FASN: variants seen among roughly 807,000 people sequenced by gnomAD.
FASN encodes 3-hydroxyacyl-[acyl-carrier-protein] dehydratase.
In FASN, 50 loss-of-function variants were observed where a neutral mutation model predicts 250.0. The ratio of observed to expected loss-of-function variants is 0.20; its 90% CI spans 0.16 to 0.25. FASN has a LOEUF of 0.25. Ranked by LOEUF, FASN falls within the 10% of genes least tolerant of loss-of-function variation. The pLI is 1.00. For missense variants in FASN, 3,031 were observed against 3,498.5 expected, an observed-to-expected ratio of 0.87 and a Z score of 3.37; for synonymous variants, 1,909 against 1,584.0, an observed-to-expected ratio of 1.21 and a Z score of -4.87.
rs931066660 is a variant in FASN at position 82,079,435 on chromosome 17, A to T, written c.7320T>A (p.His2440Gln). ...AEQYTPKAKY[H>Q]GNVMLLRAKT... ...TGGCGCGCAGTAGCATCACGTTGCC[A>T]TGGTACTTGGCCTTGGGTGTGTACT... The change falls in exon 42 of 43, where the codon CAT (histidine) becomes CAA (glutamine). Residue 2440 changes from histidine (H) to glutamine (Q), a missense_variant. Coordinates refer to ENST00000306749, the MANE Select transcript of FASN (RefSeq NM_004104.5). The T allele has an allele frequency of 2.5e-6, 4 of 1,612,912 alleles. No homozygotes were observed. The African/African-American group carries it at 4.0e-5, about 16-fold the overall frequency.
intron 41 of FASN, 77 bp downstream of exon 41, chr17:82,080,062 CA>C (rs2144778654): frequency 6.9e-7 from 1 of 1,455,370 alleles, no homozygotes. Context: ...CTTCGCGTCC[CA>C]TCCCATCCTT....
chr17:82,089,286 C>T lies in FASN; in HGVS notation c.2064G>A (p.Glu688=), dbSNP rs372165257. The stretch of plus-strand genomic sequence containing the variant: ...CCTGCAGCAGTGGGGGTGCGATGGC[C>T]TCCATGAAGTAGGAGTGGAAGGCCA... ...GGMAFHSYFM[E]AIAPPLLQEL... The change falls in exon 13 of 43, where the codon GAG becomes GAA. Residue 688 remains glutamate (E), a synonymous_variant. Transcript: ENST00000306749. 1.9e-5 allele frequency: 31 copies of T among 1,612,572 alleles called. No individual in the cohort carries two copies. Among genetic ancestry groups the T allele is most frequent in the African/African-American group, 1.3e-5 (1 of 74,872 alleles).
At position 82,088,383 on chromosome 17, in the gene FASN, T is replaced by TG; in HGVS notation, c.2593+6dup. ...AGAGTCTGCCCACCCGCCGGGCCCC[T>TG]GCTCACCGATGTTGTAGATGGCGGC... On this transcript the variant is annotated splice_region_variant and intron_variant, in intron 16 of 42. Coordinates refer to ENST00000306749, the MANE Select transcript of FASN (RefSeq NM_004104.5). 6.2e-7 allele frequency: 1 copy of TG among 1,612,070 alleles called. No homozygotes were observed. Among genetic ancestry groups the TG allele is most frequent in the Non-Finnish European group, 8.5e-7 (1 of 1,179,726 alleles).
chr17:82,086,503 C>G lies in FASN; in HGVS notation c.3483G>C (p.Val1161=), dbSNP rs746077716. 1.9e-6 allele frequency: 3 copies of G among 1,612,504 alleles called. No homozygotes were observed. In the South Asian group the frequency reaches 3.3e-5, roughly 18 times the overall value. The change falls in exon 22 of 43, where the codon GTG becomes GTC. Residue 1161 remains valine, a synonymous_variant. Transcript: ENST00000306749. ...KVTQQGLKMV[V]PGLDGAQIPR... ...GGATCTGGGCCCCATCCAGTCCGGG[C>G]ACCACCATCTTCAGCCCCTGCTGGG...
At position 82,081,652 on chromosome 17, in the gene FASN, T is replaced by C; in HGVS notation, c.6355A>G (p.Arg2119Gly). The stretch of plus-strand genomic sequence containing the variant: ...AGGTCCCGCTGGCTGTCCCTGTCCC[T>C]ATAGGCCGCAGCCTTCTCAGCCAGC... ...FVLAEKAAAY[R>G]DRDSQRDLVE... is the part of the protein sequence containing the mutation. Residue 2119 changes from arginine (R) to glycine (G), a missense_variant, in exon 37 of 43, where the codon AGG (arginine) becomes GGG (glycine). Arg to Gly is a moderately radical substitution (Grantham distance 125, BLOSUM62 -2). Coordinates refer to ENST00000306749, the MANE Select transcript of FASN (RefSeq NM_004104.5). The C allele has an allele frequency of 1.2e-6, 2 of 1,612,716 alleles. No individual in the cohort carries two copies. The highest frequency in any genetic ancestry group is 1.3e-5 in the African/African-American group (1 of 75,008).
At chr17:82,081,132 G>A (rs1272966361) in intron 38 of FASN, 32 bp downstream of exon 38, 1 of 1,554,458 alleles carries the variant, frequency 6.4e-7, no homozygotes, top group Admixed American at 1.9e-5. Context: ...GAGGCCCGGG[G>A]ACCCCACTCC....
At position 82,088,222 on chromosome 17, in the gene FASN, G is replaced by A. The variant is rs958978418; in HGVS notation, c.2679C>T (p.Ser893=). The change falls in exon 17 of 43, where the codon AGC becomes AGT. Residue 893 remains serine, a synonymous_variant. Coordinates refer to ENST00000306749, the MANE Select transcript of FASN (RefSeq NM_004104.5). ...CGCGGGCCAGCGTCTTCCACACTAT[G>A]CTCAGGTAGCCAGTGGCGGGGAAGA... The part of the protein sequence containing the change: ...RVLFPATGYL[S]IVWKTLARAL... 16 of 1,611,194 alleles carry A rather than the reference G, an allele frequency of 9.9e-6. No individual in the cohort carries two copies. The highest frequency in any genetic ancestry group is 1.4e-5 in the Non-Finnish European group (16 of 1,179,998).
intron 3 of FASN, among the ~76,000 whole-genome samples, chr17:82,094,834 G>A (rs867547319): frequency 1.3e-5 from 2 of 150,952 alleles, no homozygotes; most frequent in Non-Finnish European, 2.9e-5. Flanking sequence ...ACGGCGTGGC[G>A]CTTGTCCGAG....
intron 3 of FASN, 192 bp from the exon 4 acceptor site, chr17:82,093,963 T>G: frequency 1.5e-6 from 1 of 645,208 alleles, no homozygotes; most frequent in South Asian, 1.8e-5. Context: ...GAACAGAGCC[T>G]GTGGCCAGCA....
At position 82,078,530 on chromosome 17, in the gene FASN, G is replaced by C. The variant is rs1315658107; in HGVS notation, c.*613C>G. 3 of 155,024 alleles carry C rather than the reference G, an allele frequency of 1.9e-5. No individual in the cohort carries two copies. The highest frequency in any genetic ancestry group is 2.9e-5 in the Non-Finnish European group (2 of 70,118). 9.6% of individuals were successfully genotyped at this position (155,024 alleles called of 1,614,324 possible). A position where few individuals can be genotyped will look rare whatever the true frequency, so the allele number is the denominator to read the frequency against. ...AACATGGAGTTGGTGCCCGGCGCCG[G>C]GCATAAGGGCAGCACCCCACGGGTG... On this transcript the variant is annotated 3_prime_UTR_variant, in exon 43 of 43. Transcript: ENST00000306749. This position sits in a 1 kb window ranked among gnomAD's most constrained non-coding sequence, Gnocchi z 5.4.
At chr17:82,079,654 C>T (rs369808042) in intron 41 of FASN, 46 bp from the exon 42 acceptor site, 152 of 1,593,822 alleles carry the variant, frequency 9.5e-5, no homozygotes, top group African/African-American at 6.6e-4. Context: ...CCCACAGCAC[C>T]GGCCTGCCCT....
At position 82,083,213 on chromosome 17, in the gene FASN, C is replaced by T; in HGVS notation, c.5554G>A (p.Val1852Ile). 6.2e-7 allele frequency: 1 copy of T among 1,612,722 alleles called. No individual in the cohort carries two copies. Among genetic ancestry groups the T allele is most frequent in the East Asian group, 2.2e-5 (1 of 44,882 alleles). Residue 1852 changes from valine (V) to isoleucine (I), a missense_variant, in exon 32 of 43, where the codon GTC (valine) becomes ATC (isoleucine). Physicochemically the swap from Val to Ile is conservative, Grantham distance 29. Coordinates refer to ENST00000306749, the MANE Select transcript of FASN (RefSeq NM_004104.5). ...ACTCCTCCCCTCACCTGCACGACGA[C>T]TTTGCCAATGTGCTTCCCTTGGGCC... ...YMAQGKHIGK[V>I]VVQVLAEEPE...
In FASN at chr17:82,093,336, A is replaced by G. The variant is rs1371311001; in HGVS notation, c.538T>C (p.Cys180Arg). The G allele has an allele frequency of 6.2e-7, 1 of 1,602,488 alleles. No individual in the cohort carries two copies. The highest frequency in any genetic ancestry group is 8.5e-7 in the Non-Finnish European group (1 of 1,176,018). Reference sequence around the variant, plus strand: ...ATGCCCCCCACGATGGCGGCAGGGCACTGCCCGCTGTGGATGGCCTGGTAG... The same window carrying G: ...ATGCCCCCCACGATGGCGGCAGGGCGCTGCCCGCTGTGGATGGCCTGGTAG... Reference protein sequence around the residue: ...NAYQAIHSGQCPAAIVGGINV... With the variant: ...NAYQAIHSGQRPAAIVGGINV... The change falls in exon 5 of 43, where the codon TGC becomes CGC. Residue 180 changes from cysteine to arginine, a missense_variant. Coordinates refer to ENST00000306749, the MANE Select transcript of FASN (RefSeq NM_004104.5).
chr17:82,079,123 T>G lies in FASN; in HGVS notation c.*20A>C. 6.2e-7 allele frequency: 1 copy of G among 1,606,046 alleles called. No individual in the cohort carries two copies. Among genetic ancestry groups the G allele is most frequent in the Non-Finnish European group, 8.5e-7 (1 of 1,179,308 alleles). On this transcript the variant is annotated 3_prime_UTR_variant, in exon 43 of 43. Coordinates refer to ENST00000306749, the MANE Select transcript of FASN (RefSeq NM_004104.5). ...GTGGGGATGGTGGAGTGACCTCCGG[T>G]GGCAGGCGGGGGCACGGGCCTAGCC...
chr17:82,084,023 C>A lies in FASN; in HGVS notation c.5050G>T (p.Ala1684Ser). 1 of 1,539,750 alleles carries A rather than the reference C, an allele frequency of 6.5e-7. No homozygotes were observed. The highest frequency in any genetic ancestry group is 8.7e-7 in the Non-Finnish European group (1 of 1,145,456). Reference protein sequence around the residue: ...HSGSGGVGQAAIAIALSLGCR... With the variant: ...HSGSGGVGQASIAIALSLGCR... ...CCCAGACTGAGGGCGATGGCGATGG[C>A]GGCCTGGCCCACGCCGCCCGAGCCC... The change falls in exon 29 of 43, where the codon GCC becomes TCC. Residue 1684 changes from alanine to serine, a missense_variant. Ala to Ser is a moderately conservative substitution (Grantham distance 99). Transcript: ENST00000306749.
At position 82,087,093 on chromosome 17, in the gene FASN, C is replaced by A. The variant is rs146626315; in HGVS notation, c.3384G>T (p.Leu1128=). The A allele has an allele frequency of 3.1e-6, 5 of 1,611,786 alleles. No individual in the cohort carries two copies. The highest frequency in any genetic ancestry group is 1.3e-5 in the African/African-American group (1 of 74,900). The change falls in exon 21 of 43, where the codon CTG becomes CTT. Residue 1128 remains leucine, a synonymous_variant. Coordinates refer to ENST00000306749, the MANE Select transcript of FASN (RefSeq NM_004104.5). ...CFTPHTEEGC[L]SERAALQEEL... The stretch of plus-strand genomic sequence containing the variant: ...CCTCCTGCAGGGCAGCGCGCTCAGA[C>A]AGGCACCCCTCCTCCGTGTGGGGAG...
In FASN at chr17:82,079,080, G is replaced by T; in HGVS notation, c.*63C>A. The T allele has an allele frequency of 6.9e-7, 1 of 1,458,640 alleles. No individual in the cohort carries two copies. Among genetic ancestry groups the T allele is most frequent in the Non-Finnish European group, 9.2e-7 (1 of 1,082,124 alleles). 90.4% of individuals were successfully genotyped at this position (1,458,640 alleles called of 1,614,324 possible). A position where few individuals can be genotyped will look rare whatever the true frequency, so the allele number is the denominator to read the frequency against. ...GACCCTTCAATCCCGTTGCATGGCG[G>T]GGGTGGGGTGGGGTGGGGTGGGGAT... On this transcript the variant is annotated 3_prime_UTR_variant, in exon 43 of 43. Coordinates refer to ENST00000306749, the MANE Select transcript of FASN (RefSeq NM_004104.5).
rs778370442 is a variant in FASN, at chr17:82,085,716, C to A, written c.3888G>T (p.Gln1296His). 5.7e-6 allele frequency: 9 copies of A among 1,567,224 alleles called. No homozygotes were observed. Among genetic ancestry groups the A allele is most frequent in the African/African-American group, 5.4e-5 (4 of 73,840 alleles). Residue 1296 changes from glutamine (Q) to histidine (H), a missense_variant, in exon 23 of 43, where the codon CAG becomes CAT. Gln to His is a conservative substitution (Grantham distance 24). Coordinates refer to ENST00000306749, the MANE Select transcript of FASN (RefSeq NM_004104.5). ...TGGGGGCAGGGTCTGCGGGATCCCA[C>A]TGGCCCTGGGCAACGTCGTGCTGCT... ...ELQQHDVAQG[Q>H]WDPADPAPSA...
rs147197890 is a variant in FASN at position 82,080,172 on chromosome 17, C to T, written c.7114G>A (p.Val2372Met). The T allele has an allele frequency of 3.4e-5, 55 of 1,613,228 alleles. No homozygotes were observed. In the East Asian group the frequency reaches 4.7e-4, roughly 14 times the overall value. The change falls in exon 41 of 43, where the codon GTG (valine) becomes ATG (methionine). Residue 2372 changes from valine (V) to methionine (M), a missense_variant. Val to Met is a conservative substitution (Grantham distance 21, BLOSUM62 1). Coordinates refer to ENST00000306749, the MANE Select transcript of FASN (RefSeq NM_004104.5). Reference sequence around the variant, plus strand: ...TGCTCCATGTCCGTGAACTGCTGCACGAAGAAGCATATGGCCTCCGTCTCA... The same window carrying T: ...TGCTCCATGTCCGTGAACTGCTGCATGAAGAAGCATATGGCCTCCGTCTCA... The part of the protein sequence containing the change: ...EAETEAICFF[V>M]QQFTDMEHNR...
Sources: allele counts gnomAD v4.1 joint callset (sites outside exome capture counted in the v4.1 genomes callset), GRCh38; gene constraint gnomAD v4.1.1; non-coding constraint Gnocchi (gnomAD v3.1); transcripts MANE v1.5; gene names NCBI Gene and HGNC (gene_info 2026-07-23, HGNC 2026-07-21).